Variants in SEL1L observed in about 807,000 individuals in gnomAD.
The protein encoded by SEL1L is SEL1L adaptor subunit of SYVN1 ubiquitin ligase, also known as protein sel-1 homolog 1.
In SEL1L, 52 loss-of-function variants were observed where a neutral mutation model predicts 109.8. The observed-to-expected ratio is 0.47, with a 90% CI of 0.38 to 0.60. The LOEUF is 0.60. SEL1L is among the 20% of genes least tolerant of loss of function. SEL1L has a pLI of 0.00. For missense variants in SEL1L, 749 were observed against 962.2 expected (o/e 0.78, Z 2.93); for synonymous variants, 373 against 339.6 (o/e 1.10, Z -1.08).
At chr14:81,492,422 T>C (rs1022633839) in intron 12 of SEL1L, 58 bp downstream of exon 12, 20 of 1,188,730 alleles carry the variant, frequency 1.7e-5, no homozygotes, top group Non-Finnish European at 2.0e-5. Flanking sequence ...ACACAATACA[T>C]GCTAATTATG....
rs765360225 is a variant in SEL1L at position 81,506,064 on chromosome 14, C to G, written c.508+10G>C. ...CAATGCAGATCTGCCTCCTACTGAG[C>G]AATACTTACTTTCACAAAAGCCCCA... On this transcript the variant is annotated intron_variant, in intron 4 of 20. Coordinates refer to ENST00000336735, the MANE Select transcript of SEL1L (RefSeq NM_005065.6). 3 of 1,612,516 alleles carry G rather than the reference C, an allele frequency of 1.9e-6. No homozygotes were observed. The highest frequency in any genetic ancestry group is 2.5e-6 in the Non-Finnish European group (3 of 1,179,148).
At chr14:81,511,466 A>G (rs1458878034) in intron 3 of SEL1L, among the ~76,000 whole-genome samples, 1 of 152,230 alleles carries the variant, frequency 6.6e-6, no homozygotes, top group Admixed American at 6.5e-5. Flanking sequence ...CAACGGCTTT[A>G]AAGACACGTG....
chr14:81,523,154 G>T (rs1951605), intron 3 of SEL1L, among the ~76,000 whole-genome samples: 107,542 of 152,000 alleles, frequency 0.71, 38,115 homozygotes, highest in African/African-American at 0.74. Flanking sequence ...GGTTCCTAGA[G>T]AGCCTTGGGA....
Position 81,504,232 on chromosome 14 carries a change from T to G in SEL1L, c.583A>C (p.Asn195His), listed in dbSNP as rs1439000003. The G allele has an allele frequency of 1.3e-6, 2 of 1,597,970 alleles. No homozygotes were observed. Among genetic ancestry groups the G allele is most frequent in the Non-Finnish European group, 1.7e-6 (2 of 1,172,466 alleles). Reference protein sequence around the residue: ...MMYQTGMKILNGSNKKSQKRE... With the variant: ...MMYQTGMKILHGSNKKSQKRE... The stretch of plus-strand genomic sequence containing the variant: ...TTTTGGCTTTTCTTATTGCTTCCAT[T>G]AAGGATTTTCATTCCAGTTTGATAC... Residue 195 changes from asparagine (N) to histidine (H), a missense_variant, in exon 5 of 21, where the codon AAT becomes CAT. By Grantham distance (68) the Asn-to-His change is moderately conservative. This residue lies in a region of SEL1L where 366 missense variants were observed against 399.8 expected (regional missense o/e 0.92). Transcript: ENST00000336735.
chr14:81,495,110 C>T lies in SEL1L; in HGVS notation c.1156G>A (p.Gly386Arg), dbSNP rs1457965397. The T allele has an allele frequency of 6.2e-7, 1 of 1,614,082 alleles. No individual in the cohort carries two copies. Among genetic ancestry groups the T allele is most frequent in the Non-Finnish European group, 8.5e-7 (1 of 1,179,984 alleles). ...QVGLGQLHLH[G>R]GRGVEQNHQR... ...TGATTCTGTTCTACTCCACGCCCTC[C>T]GTGCAGGTGCAGTTGTCCAAGACCA... The change falls in exon 11 of 21, where the codon GGA (glycine) becomes AGA (arginine). Residue 386 changes from glycine to arginine, a missense_variant. Physicochemically the swap from Gly to Arg is moderately radical, Grantham distance 125. Transcript: ENST00000336735.
At position 81,533,666 on chromosome 14, in the gene SEL1L, G is replaced by A. The variant is rs199851370; in HGVS notation, c.70+9C>T. ...TCTGGGCCTTCAGCCCGAGGGGGCG[G>A]ATACTGACCCGAGGACGCCGAGGCC... On this transcript the variant is annotated intron_variant, in intron 1 of 20. Transcript: ENST00000336735. The A allele has an allele frequency of 1.1e-5, 18 of 1,612,132 alleles. No individual in the cohort carries two copies. Among genetic ancestry groups the A allele is most frequent in the South Asian group, 2.2e-5 (2 of 90,896 alleles).
At chr14:81,523,099 G>A (rs1455126921) in intron 3 of SEL1L, among the ~76,000 whole-genome samples, 1 of 152,160 alleles carries the variant, frequency 6.6e-6, no homozygotes, top group Non-Finnish European at 1.5e-5. Flanking sequence ...TCTCTTGAGT[G>A]ATAAGAATGT....
chr14:81,500,355 T>G (rs1024395644), intron 6 of SEL1L, among the ~76,000 whole-genome samples: 3 of 152,122 alleles, frequency 2.0e-5, no homozygotes, highest in Non-Finnish European at 2.9e-5. Context: ...TGCCTCAGCC[T>G]CCCGAGTAGT....
chr14:81,502,627 A>C, intron 6 of SEL1L, 94 bp downstream of exon 6: 1 of 1,250,942 alleles, frequency 8.0e-7, no homozygotes, highest in Non-Finnish European at 1.1e-6. Flanking sequence ...TTCCAGTCTG[A>C]CTTTTTAAAA....
intron 8 of SEL1L, 198 bp from the exon 9 acceptor site, chr14:81,498,692 G>A: frequency 2.0e-6 from 1 of 496,988 alleles, no homozygotes. Flanking sequence ...CTAAGAGCAA[G>A]GAAATAAATA....
At chr14:81,497,706 G>C (rs954173702) in intron 10 of SEL1L, among the ~76,000 whole-genome samples, 186 bp downstream of exon 10, 2 of 152,044 alleles carry the variant, frequency 1.3e-5, no homozygotes, top group East Asian at 1.9e-4. Flanking sequence ...AACCCAAATG[G>C]AATCTCCTGA....
chr14:81,489,309 G>A lies in SEL1L; in HGVS notation c.1338C>T (p.Asn446=). ...HYFKKAADMG[N]PVGQSGLGMA... ...TTCCAAGCCCACTCTGTCCAACTGG[G>A]TTGCCCTGCAAAGCAGAGAAATCAG... Residue 446 remains asparagine, a synonymous_variant, in exon 14 of 21, where the codon AAC becomes AAT. Coordinates refer to ENST00000336735, the MANE Select transcript of SEL1L (RefSeq NM_005065.6). The A allele has an allele frequency of 6.2e-7, 1 of 1,613,954 alleles. No individual in the cohort carries two copies. Among genetic ancestry groups the A allele is most frequent in the Admixed American group, 1.7e-5 (1 of 59,980 alleles).
At chr14:81,497,769 G>T in intron 10 of SEL1L, 123 bp downstream of exon 10, 2 of 779,750 alleles carry the variant, frequency 2.6e-6, no homozygotes, top group Non-Finnish European at 2.0e-6. Context: ...ATTCTAATAT[G>T]TAGTTCATAA....
chr14:81,499,421 A>G (rs749641068), intron 8 of SEL1L, 38 bp downstream of exon 8: 1 of 1,593,752 alleles, frequency 6.3e-7, no homozygotes, highest in South Asian at 1.2e-5. Context: ...AATTCTTCTG[A>G]TGTTAATATT....
At chr14:81,510,488 C>T (rs1458308584) in intron 3 of SEL1L, among the ~76,000 whole-genome samples, 1 of 113,714 alleles carries the variant, frequency 8.8e-6, no homozygotes, top group Non-Finnish European at 1.9e-5. Context: ...CTCTCTCTCT[C>T]TCTCTCTCTC....
chr14:81,493,598 CT>C (rs1452543054), intron 11 of SEL1L, among the ~76,000 whole-genome samples: 1 of 152,194 alleles, frequency 6.6e-6, no homozygotes, highest in Non-Finnish European at 1.5e-5. Flanking sequence ...CCCCCAATTT[CT>C]CTCCAATGAT....
chr14:81,516,683 T>C (rs12436488), intron 3 of SEL1L, among the ~76,000 whole-genome samples: 25,344 of 152,160 alleles, frequency 0.17, 2,488 homozygotes, highest in Non-Finnish European at 0.22. Flanking sequence ...TCTACAGTTT[T>C]GGTACATGCT....
At chr14:81,517,953 C>CA (rs1884767707) in intron 3 of SEL1L, among the ~76,000 whole-genome samples, 1 of 151,844 alleles carries the variant, frequency 6.6e-6, no homozygotes, top group Non-Finnish European at 1.5e-5. Flanking sequence ...TTTTTTGAGA[C>CA]AGTCTCACTC....
intron 3 of SEL1L, among the ~76,000 whole-genome samples, chr14:81,509,510 T>C (rs2140030665): frequency 6.6e-6 from 1 of 152,306 alleles, no homozygotes; most frequent in African/African-American, 2.4e-5. Flanking sequence ...TCCCAATCTA[T>C]TTAGACCTCA....
Sources: gnomAD v4.1 joint callset for allele counts (sites outside exome capture counted in the v4.1 genomes callset) on GRCh38, gnomAD v4.1.1 for gene constraint, gnomAD v4.1.1 regional missense constraint, MANE v1.5 for transcripts, NCBI Gene and HGNC (gene_info 2026-07-23, HGNC 2026-07-21) for gene names.